Variants in GRIK5 observed in about 807,000 individuals in gnomAD.
GRIK5 encodes glutamate ionotropic receptor kainate type subunit 5.
Under a neutral mutation model 97.4 loss-of-function variants are expected in GRIK5, and 43 were observed. That is an observed-to-expected ratio of 0.44 (90% CI 0.35 to 0.57). The LOEUF (loss-of-function observed/expected upper bound fraction) is 0.57, where lower values mean the gene tolerates loss of function less well. Ranked by LOEUF, GRIK5 falls within the 20% of genes least tolerant of loss-of-function variation. GRIK5 has a pLI of 0.01. For synonymous variants in GRIK5, 580 were observed against 583.5 expected (o/e 0.99, Z 0.09); for missense variants, 1,015 against 1,382.0 (o/e 0.73, Z 4.21).
At chr19:42,034,661 A>G (rs112070798) in intron 12 of GRIK5, among the ~76,000 whole-genome samples, 1,838 of 152,204 alleles carry the variant, frequency 0.012, 49 homozygotes, top group African/African-American at 0.042. Context: ...CTGCCCTCAT[A>G]AAACCCTCCC....
intron 1 of GRIK5, chr19:42,068,573 A>C (rs2076374374): frequency 2.5e-6 from 1 of 406,564 alleles, no homozygotes; most frequent in Admixed American, 4.4e-5. Context: ...CCAAGCTCAG[A>C]GGCAGAGAGA....
intron 15 of GRIK5, among the ~76,000 whole-genome samples, chr19:42,017,672 C>T (rs977667203): frequency 2.6e-5 from 4 of 152,104 alleles, no homozygotes; most frequent in Admixed American, 6.6e-5. Context: ...AGAAGGGTGG[C>T]TAACCGGGCG....
Position 42,021,193 on chromosome 19 carries a change from G to T in GRIK5, c.1871+108C>A. ...TTCCTCGTCACACAGCTCTGCAAGG[G>T]AAAACGGGGAATCAAATCTTCCAGG... On this transcript the variant is annotated intron_variant, in intron 15 of 19. Coordinates refer to ENST00000593562, the MANE Select transcript of GRIK5 (RefSeq NM_002088.5). The surrounding 1 kb of genome is among the most constrained non-coding windows in gnomAD (Gnocchi z 4.2). The T allele has an allele frequency of 1.1e-6, 1 of 890,506 alleles. No individual in the cohort carries two copies. The highest frequency in any genetic ancestry group is 1.7e-6 in the Non-Finnish European group (1 of 590,734). The allele number at this position is 890,506 out of a possible 1,614,324, so 55.2% of individuals were successfully genotyped here.
chr19:42,009,364 T>C (rs1484250999), intron 15 of GRIK5, among the ~76,000 whole-genome samples: 1 of 151,768 alleles, frequency 6.6e-6, no homozygotes, highest in Admixed American at 6.6e-5. Flanking sequence ...TGCCTCAGCC[T>C]CCTGAATAGC....
intron 19 of GRIK5, among the ~76,000 whole-genome samples, chr19:42,000,974 CTAGCCAAGCCTTAGAGA>C (rs1235845319): frequency 6.6e-6 from 1 of 152,184 alleles, no homozygotes; most frequent in Non-Finnish European, 1.5e-5. Flanking sequence ...CCTCCCAGAA[CTAGCCAAGCCTTAGAGA>C]TAGCAGAGGG....
At chr19:42,009,767 C>CA (rs1171061442) in intron 15 of GRIK5, among the ~76,000 whole-genome samples, 3,808 of 63,056 alleles carry the variant, frequency 0.06, 159 homozygotes, top group South Asian at 0.2. Flanking sequence ...GACTTTGTCT[C>CA]AAAAAAAAAA....
At position 42,022,198 on chromosome 19, in the gene GRIK5, T is replaced by C; in HGVS notation, c.1587+43A>G. On this transcript the variant is annotated intron_variant, in intron 13 of 19. Transcript: ENST00000593562. This position sits in a 1 kb window ranked among gnomAD's most constrained non-coding sequence, Gnocchi z 4.2. ...GGCTCCCACTCGCAGGCCCTGAGCC[T>C]CCATGCCAGGCAAGCAGCCCATGGT... 6.6e-7 allele frequency: 1 copy of C among 1,521,424 alleles called. No individual in the cohort carries two copies. The highest frequency in any genetic ancestry group is 9.1e-7 in the Non-Finnish European group (1 of 1,096,356). The allele number at this position is 1,521,424 out of a possible 1,614,324, so 94.2% of individuals were successfully genotyped here.
chr19:42,069,552 G>C lies in GRIK5; in HGVS notation c.-362C>G, dbSNP rs1180349389. On this transcript the variant is annotated 5_prime_UTR_variant, in exon 1 of 20. Coordinates refer to ENST00000593562, the MANE Select transcript of GRIK5 (RefSeq NM_002088.5). Reference sequence around the variant, plus strand: ...AGGGGAAGGAGGGAGGAAAGGAGGAGAGGAAGGTGAAAACGGAAGGGGGGG... The same window carrying C: ...AGGGGAAGGAGGGAGGAAAGGAGGACAGGAAGGTGAAAACGGAAGGGGGGG... 1 of 137,672 alleles carries C rather than the reference G, an allele frequency of 7.3e-6. No homozygotes were observed. Among genetic ancestry groups the C allele is most frequent in the Non-Finnish European group, 1.6e-5 (1 of 63,290 alleles). 8.5% of individuals were successfully genotyped at this position (137,672 alleles called of 1,614,324 possible).
At chr19:42,030,177 T>C (rs2075824689) in intron 12 of GRIK5, among the ~76,000 whole-genome samples, 1 of 152,170 alleles carries the variant, frequency 6.6e-6, no homozygotes, top group Admixed American at 6.5e-5. Flanking sequence ...GGTTTTGTTT[T>C]GTTTTTATTT....
intron 15 of GRIK5, among the ~76,000 whole-genome samples, chr19:42,014,613 C>T (rs561283904): frequency 2.6e-4 from 39 of 151,312 alleles, no homozygotes; most frequent in Admixed American, 1.6e-3. Context: ...TGAAACCCTG[C>T]CTCTACTAAA....
intron 1 of GRIK5, chr19:42,068,999 G>A (rs1039610024): frequency 1.9e-6 from 1 of 530,838 alleles, no homozygotes; most frequent in Admixed American, 3.4e-5. Flanking sequence ...CAGCCCCGTA[G>A]GACCCCAGAA....
At position 41,998,951 on chromosome 19, in the gene GRIK5, C is replaced by A; in HGVS notation, c.2863G>T (p.Gly955Cys). ...SGAGAPPRGL[G>C]VPAEATSPPR... ...GGGCTGGTGGCTTCGGCGGGGACGC[C>A]CAGGCCACGCGGAGGCGCGCCGGCC... is the stretch of plus-strand genomic sequence containing the variant. Residue 955 changes from glycine to cysteine, a missense_variant, in exon 20 of 20, where the codon GGC becomes TGC. Transcript: ENST00000593562. 1 of 1,145,734 alleles carries A rather than the reference C, an allele frequency of 8.7e-7. No individual in the cohort carries two copies. Among genetic ancestry groups the A allele is most frequent in the South Asian group, 3.6e-5 (1 of 27,584 alleles). 71.0% of individuals were successfully genotyped at this position (1,145,734 alleles called of 1,614,324 possible). A position where few individuals can be genotyped will look rare whatever the true frequency, so the allele number is the denominator to read the frequency against.
chr19:42,020,972 G>A (rs1183847182), intron 15 of GRIK5, among the ~76,000 whole-genome samples: 3 of 152,096 alleles, frequency 2.0e-5, no homozygotes, highest in Non-Finnish European at 2.9e-5. Context: ...TACAACCTCC[G>A]CCTCCTGAGT....
intron 1 of GRIK5, among the ~76,000 whole-genome samples, chr19:42,066,255 G>A (rs1034615694): frequency 7.2e-5 from 11 of 152,048 alleles, no homozygotes; most frequent in Admixed American, 6.5e-5. Flanking sequence ...GAGAGGATGC[G>A]GTGGTTGCTA....
In GRIK5 at chr19:41,999,176, C is replaced by G. The variant is rs1555870291; in HGVS notation, c.2638G>C (p.Val880Leu). The change falls in exon 20 of 20, where the codon GTC becomes CTC. Residue 880 changes from valine to leucine, a missense_variant. Val to Leu is a conservative substitution (Grantham distance 32). Around this residue, in one of 5 missense-constraint regions of GRIK5, gnomAD observed 229 missense variants for 341.0 expected, o/e 0.67. Coordinates refer to ENST00000593562, the MANE Select transcript of GRIK5 (RefSeq NM_002088.5). This position sits in a 1 kb window ranked among gnomAD's most constrained non-coding sequence, Gnocchi z 5.0. The part of the protein sequence containing the change: ...PSRALLSLRA[V>L]REMRLSNGKL... ...CCGTTGCTGAGGCGCATCTCGCGGA[C>G]CGCGCGCAGTGACAGCAGGGCCCGG... 1 of 1,508,988 alleles carries G rather than the reference C, an allele frequency of 6.6e-7. No individual in the cohort carries two copies. Among genetic ancestry groups the G allele is most frequent in the Admixed American group, 2.1e-5 (1 of 48,188 alleles). 93.5% of individuals were successfully genotyped at this position (1,508,988 alleles called of 1,614,324 possible). A position where few individuals can be genotyped will look rare whatever the true frequency, so the allele number is the denominator to read the frequency against.
Position 42,005,278 on chromosome 19 carries a change from G to A in GRIK5, c.2263+445C>T, listed in dbSNP as rs553446545. Among the ~76,000 whole-genome samples, 35 of 147,370 alleles carry A rather than the reference G, an allele frequency of 2.4e-4. No homozygotes were observed. In the South Asian group the frequency reaches 3.0e-3, roughly 13 times the overall value. On this transcript the variant is annotated intron_variant, in intron 17 of 19. Transcript: ENST00000593562. ...AAAAACAAAACACCAAACTTGTCCT[G>A]AAATATAAATAGGCACATACAAGTC...
chr19:42,002,331 A>C lies in GRIK5; in HGVS notation c.2514+1001T>G, dbSNP rs2075432645. The C allele has an allele frequency of 1.4e-6, 1 of 717,636 alleles. No homozygotes were observed. The highest frequency in any genetic ancestry group is 2.7e-5 in the East Asian group (1 of 37,296). The allele number at this position is 717,636 out of a possible 1,614,324, so 44.5% of individuals were successfully genotyped here. On this transcript the variant is annotated intron_variant, in intron 19 of 19. Coordinates refer to ENST00000593562, the MANE Select transcript of GRIK5 (RefSeq NM_002088.5). This position sits in a 1 kb window ranked among gnomAD's most constrained non-coding sequence, Gnocchi z 5.2. ...CAGGAGAGGGTTTAAGACTGGAGAA[A>C]TGACAGCATATTTGTACGTTGGTGG...
intron 11 of GRIK5, among the ~76,000 whole-genome samples, chr19:42,047,946 C>G (rs577129281): frequency 7.1e-6 from 1 of 140,330 alleles, no homozygotes; most frequent in East Asian, 2.1e-4. Flanking sequence ...ACATTCCAGC[C>G]TGGGCAACAG....
intron 3 of GRIK5, among the ~76,000 whole-genome samples, chr19:42,064,035 C>G (rs1287734644): frequency 6.6e-6 from 1 of 152,160 alleles, no homozygotes; most frequent in Non-Finnish European, 1.5e-5. Context: ...AATCTCTCTC[C>G]TGACAGCCAG....
Sources: gnomAD v4.1 joint callset for allele counts (sites outside exome capture counted in the v4.1 genomes callset) on GRCh38, gnomAD v4.1.1 for gene constraint, gnomAD v4.1.1 regional missense constraint, Gnocchi (gnomAD v3.1) non-coding constraint, MANE v1.5 for transcripts, NCBI Gene and HGNC (gene_info 2026-07-23, HGNC 2026-07-21) for gene names.